MYLK4: variants seen among roughly 807,000 people sequenced by gnomAD.
The protein encoded by MYLK4 is caMLCK like.
A neutral mutation model predicts 48.1 loss-of-function variants in MYLK4; 46 were observed. The ratio of observed to expected loss-of-function variants is 0.96; its 90% confidence interval spans 0.75 to 1.22. MYLK4 has a LOEUF of 1.22. MYLK4 is among the 50% of genes most tolerant of loss of function. The pLI is 0.00. For synonymous variants in MYLK4, 170 were observed against 180.8 expected (o/e 0.94, Z 0.48); for missense variants, 451 against 486.1 (o/e 0.93, Z 0.68).
At chr6:2,762,286 C>A in the MYLK4 span, among the ~76,000 whole-genome samples, 1 of 152,106 alleles carries the variant, frequency 6.6e-6, no homozygotes, top group Non-Finnish European at 1.5e-5. Flanking sequence ...TAAAGTTGGA[C>A]GTAAAATTAG....
chr6:2,689,063 C>A, intron 3 of MYLK4, 107 bp from the exon 4 acceptor site: 3 of 808,024 alleles, frequency 3.7e-6, no homozygotes, highest in Non-Finnish European at 4.2e-6. Flanking sequence ...TAATAAAATA[C>A]AAGGAGCCAT....
intron 7 of MYLK4, among the ~76,000 whole-genome samples, chr6:2,681,686 G>A (rs968755860): frequency 1.3e-5 from 2 of 152,046 alleles, no homozygotes; most frequent in African/African-American, 4.8e-5. Flanking sequence ...CAATATTTTT[G>A]GCCCTTTTCC....
At chr6:2,687,800 C>T (rs570188000) in intron 4 of MYLK4, among the ~76,000 whole-genome samples, 2 of 152,178 alleles carry the variant, frequency 1.3e-5, no homozygotes, top group Non-Finnish European at 2.9e-5. Context: ...CTTGCAGACG[C>T]CTGAACTGCA....
At chr6:2,765,195 CCCCT>C in the MYLK4 span, among the ~76,000 whole-genome samples, 5 of 85,754 alleles carry the variant, frequency 5.8e-5, no homozygotes, top group South Asian at 1.2e-3. Flanking sequence ...CCCCCCCCCG[CCCCT>C]CCCCCGCCCC....
intron 2 of MYLK4, among the ~76,000 whole-genome samples, chr6:2,738,950 T>C (rs536088716): frequency 6.6e-6 from 1 of 152,376 alleles, no homozygotes; most frequent in Admixed American, 6.5e-5. Context: ...TTATCCATTG[T>C]AAAATATGTC....
At chr6:2,691,095 G>A (rs1041587197) in intron 3 of MYLK4, among the ~76,000 whole-genome samples, 4 of 152,106 alleles carry the variant, frequency 2.6e-5, no homozygotes, top group Admixed American at 6.6e-5. Flanking sequence ...CTCCTAAAGT[G>A]CTGGGATTAC....
chr6:2,688,335 A>G (rs1394850754), intron 4 of MYLK4, among the ~76,000 whole-genome samples: 1 of 152,244 alleles, frequency 6.6e-6, no homozygotes, highest in Non-Finnish European at 1.5e-5. Context: ...CTGGGATTAC[A>G]GGCGTGAGCC....
At chr6:2,709,642 C>T (rs1762604054) in intron 2 of MYLK4, among the ~76,000 whole-genome samples, 1 of 152,242 alleles carries the variant, frequency 6.6e-6, no homozygotes, top group South Asian at 2.1e-4. Flanking sequence ...TTTTCTTTGG[C>T]AACCTATGTG....
At chr6:2,763,013 G>T in the MYLK4 span, among the ~76,000 whole-genome samples, 1 of 152,142 alleles carries the variant, frequency 6.6e-6, no homozygotes, top group African/African-American at 2.4e-5. Context: ...AAAGCCAAGC[G>T]GGTCTCCATC....
upstream of MYLK4, among the ~76,000 whole-genome samples, chr6:2,751,886 G>C (rs1764298263): frequency 6.6e-6 from 1 of 152,134 alleles, no homozygotes; most frequent in Non-Finnish European, 1.5e-5. Flanking sequence ...GGAGAGCTTT[G>C]TTCTTCAGCA....
At chr6:2,742,637 A>G (rs1040385141) in intron 2 of MYLK4, among the ~76,000 whole-genome samples, 2 of 149,206 alleles carry the variant, frequency 1.3e-5, no homozygotes, top group African/African-American at 4.9e-5. Flanking sequence ...CGAACACCGC[A>G]TGTTCTCACT....
chr6:2,740,277 C>T (rs1208588379), intron 2 of MYLK4, among the ~76,000 whole-genome samples: 2 of 152,236 alleles, frequency 1.3e-5, no homozygotes, highest in Non-Finnish European at 2.9e-5. Context: ...CACCTCTGCT[C>T]CAGCCAGTAC....
chr6:2,763,428 C>T, the MYLK4 span, among the ~76,000 whole-genome samples: 1 of 152,220 alleles, frequency 6.6e-6, no homozygotes, highest in Admixed American at 6.5e-5. Context: ...CAGGAGTCCC[C>T]AGTTGGGGGG....
upstream of MYLK4, among the ~76,000 whole-genome samples, chr6:2,751,121 G>C (rs561081361): frequency 6.6e-6 from 1 of 152,214 alleles, no homozygotes; most frequent in South Asian, 2.1e-4. Context: ...CCTTTCCCTC[G>C]TATCATTGTG....
chr6:2,736,277 T>C (rs1269618177), intron 2 of MYLK4, among the ~76,000 whole-genome samples: 2 of 152,238 alleles, frequency 1.3e-5, no homozygotes, highest in African/African-American at 2.4e-5. Flanking sequence ...GTTTTTGAGA[T>C]GGAGTCTCGC....
At chr6:2,699,695 CT>C (rs1371139396) in intron 2 of MYLK4, among the ~76,000 whole-genome samples, 3 of 152,110 alleles carry the variant, frequency 2.0e-5, no homozygotes, top group Non-Finnish European at 4.4e-5. Context: ...GACATCAAAA[CT>C]TTTTATAAAT....
intron 2 of MYLK4, among the ~76,000 whole-genome samples, chr6:2,738,776 G>C (rs966673569): frequency 6.6e-5 from 10 of 152,194 alleles, no homozygotes; most frequent in African/African-American, 2.4e-4. Context: ...GATAGCGCTT[G>C]TTTTCAAATA....
chr6:2,751,818 T>G (rs1313047431), upstream of MYLK4, among the ~76,000 whole-genome samples: 1 of 152,234 alleles, frequency 6.6e-6, no homozygotes, highest in African/African-American at 2.4e-5. Context: ...TTATGTAGTA[T>G]TAATGAATTA....
In MYLK4 at chr6:2,664,585, C is replaced by T. The variant is rs1760573787; in HGVS notation, c.*3340G>A. On this transcript the variant is annotated 3_prime_UTR_variant, in exon 13 of 13. Coordinates refer to ENST00000274643, the MANE Select transcript of MYLK4 (RefSeq NM_001012418.5). ...CTAGTATCAAATCCATATTTTGATT[C>T]TTAAAAGAGAAAAAAAAATTGCTAA... 1.3e-5 allele frequency: 2 copies of T among 150,660 alleles called. No homozygotes were observed. The allele number at this position is 150,660 out of a possible 1,614,324, so 9.3% of individuals were successfully genotyped here. A position where few individuals can be genotyped will look rare whatever the true frequency, so the allele number is the denominator to read the frequency against.
Sources: allele counts gnomAD v4.1 joint callset (sites outside exome capture counted in the v4.1 genomes callset), GRCh38; gene constraint gnomAD v4.1.1; transcripts MANE v1.5; gene names NCBI Gene and HGNC (gene_info 2026-07-23, HGNC 2026-07-21).